Variants in HTT observed in about 807,000 individuals in gnomAD.
HTT encodes huntington disease protein.
HTT carries 104 observed loss-of-function variants against 362.3 expected under a neutral mutation model. The observed-to-expected ratio is 0.29, with a 90% confidence interval of 0.24 to 0.34. HTT has a LOEUF of 0.34. Among genes scored for constraint, HTT ranks in the 10% least tolerant of loss-of-function variants. The probability of loss-of-function intolerance (pLI) is 1.00; values close to 1 mark genes in which losing one functional copy is unlikely to be tolerated. For missense variants in HTT, 3,301 were observed against 3,928.6 expected (o/e 0.84, Z 4.27); for synonymous variants, 1,577 against 1,548.7 (o/e 1.02, Z -0.43).
rs370428701 is a variant in HTT, at chr4:3,105,383, T to C, written c.555T>C (p.Ala185=). ...ATGGTGCCCCTCGGAGTTTGCGTGC[T>C]GCCCTGTGGAGGTTTGCTGAGCTGG... ...KKNGAPRSLR[A]ALWRFAELAH... is the part of the protein sequence containing the mutation. The change falls in exon 5 of 67, where the codon GCT becomes GCC. Residue 185 remains alanine (A), a synonymous_variant. Transcript: ENST00000355072. 6.2e-7 allele frequency: 1 copy of C among 1,614,084 alleles called. No homozygotes were observed. Among genetic ancestry groups the C allele is most frequent in the Non-Finnish European group, 8.5e-7 (1 of 1,179,912 alleles).
At chr4:3,105,710 C>G (rs1406796792) in intron 5 of HTT, among the ~76,000 whole-genome samples, 1 of 152,244 alleles carries the variant, frequency 6.6e-6, no homozygotes, top group African/African-American at 2.4e-5. Context: ...GTCTTATGCT[C>G]TGTTGCAGCC....
Position 3,187,750 on chromosome 4 carries a change from C to T in HTT, c.5089C>T (p.Gln1697Ter), listed in dbSNP as rs1206503815. ...TGAAGATATTGTTCTTTCTCGTATTCAGGAGCTCTCCTTCTCTCCGTATTT... is the reference window on the plus strand; with the variant it reads ...TGAAGATATTGTTCTTTCTCGTATTTAGGAGCTCTCCTTCTCTCCGTATTT... ...STEDIVLSRI[Q>*]ELSFSPYLIS... Residue 1697 changes from glutamine to a stop codon, truncating the protein, a stop_gained, in exon 39 of 67, where the codon CAG becomes TAG. Transcript: ENST00000355072. LOFTEE classifies it high-confidence loss of function. 1 of 1,613,712 alleles carries T rather than the reference C, an allele frequency of 6.2e-7. No individual in the cohort carries two copies. Among genetic ancestry groups the T allele is most frequent in the African/African-American group, 1.3e-5 (1 of 74,916 alleles).
At chr4:3,185,167 C>T (rs951890170) in intron 37 of HTT, among the ~76,000 whole-genome samples, 3 of 152,058 alleles carry the variant, frequency 2.0e-5, no homozygotes, top group Non-Finnish European at 2.9e-5. Flanking sequence ...GGAGAGGAGT[C>T]GGCAATGGGT....
chr4:3,153,921 GA>G (rs887288027), intron 26 of HTT, among the ~76,000 whole-genome samples: 16 of 148,898 alleles, frequency 1.1e-4, no homozygotes, highest in Admixed American at 2.7e-4. Context: ...TCTCAAAAAA[GA>G]AAAAAAAAAT....
intron 27 of HTT, 38 bp from the exon 28 acceptor site, chr4:3,157,034 G>C: frequency 1.3e-6 from 2 of 1,543,610 alleles, no homozygotes; most frequent in Non-Finnish European, 1.7e-6. Context: ...AAGTTATTTT[G>C]ATCTAAAAGT....
intron 11 of HTT, 115 bp downstream of exon 11, chr4:3,125,744 A>G (rs1715493098): frequency 2.7e-6 from 2 of 742,194 alleles, no homozygotes; most frequent in Non-Finnish European, 4.8e-6. Flanking sequence ...GCAGCAGTGG[A>G]GCCAGGTTGC....
chr4:3,186,515 C>T, intron 37 of HTT, 82 bp from the exon 38 acceptor site: 1 of 1,479,338 alleles, frequency 6.8e-7, no homozygotes, highest in Non-Finnish European at 9.3e-7. Context: ...GATGATTTGC[C>T]CTTGAGTTAC....
intron 2 of HTT, among the ~76,000 whole-genome samples, chr4:3,092,411 A>C (rs1292224579): frequency 6.6e-6 from 1 of 152,080 alleles, no homozygotes; most frequent in Non-Finnish European, 1.5e-5. Flanking sequence ...TAGAGACAGG[A>C]TCTTACTCTG....
chr4:3,202,154 C>T (rs939348902), intron 41 of HTT, among the ~76,000 whole-genome samples: 2 of 152,150 alleles, frequency 1.3e-5, no homozygotes, highest in Admixed American at 6.5e-5. Flanking sequence ...TATACTTTGG[C>T]GCTTGTGGGT....
chr4:3,172,095 AACAGAT>A (rs1344300118), intron 29 of HTT, among the ~76,000 whole-genome samples: 1 of 152,222 alleles, frequency 6.6e-6, no homozygotes, highest in Non-Finnish European at 1.5e-5. Flanking sequence ...TGAGTGAATG[AACAGAT>A]ACATAAATGC....
At chr4:3,089,130 T>C (rs756022263) in intron 2 of HTT, among the ~76,000 whole-genome samples, 1 of 152,234 alleles carries the variant, frequency 6.6e-6, no homozygotes, top group Non-Finnish European at 1.5e-5. Flanking sequence ...GTTACACAGT[T>C]CTTGTGGGAT....
chr4:3,083,530 TACACACACACACACACACACACACACAC>T (rs56210756), intron 1 of HTT, among the ~76,000 whole-genome samples: 3 of 125,126 alleles, frequency 2.4e-5, no homozygotes, highest in South Asian at 3.0e-4. Context: ...TCTCTAAATA[TACACACACACACACACACACACACACAC>T]ACACACACAC....
intron 53 of HTT, among the ~76,000 whole-genome samples, chr4:3,222,029 G>A (rs1328690485): frequency 6.6e-6 from 1 of 152,244 alleles, no homozygotes; most frequent in South Asian, 2.1e-4. Flanking sequence ...AGCCCATTTA[G>A]TGAGTGGGGC....
chr4:3,172,892 AT>A lies in HTT; in HGVS notation c.3943-9del. The A allele has an allele frequency of 2.5e-6, 4 of 1,594,760 alleles. No individual in the cohort carries two copies. The highest frequency in any genetic ancestry group is 3.4e-6 in the Non-Finnish European group (4 of 1,162,318). ...GTTCACGCCACATTGTTGATGCCTC[AT>A]TTTTTTCACTGTAGTTGTTGAAGAC... On this transcript the variant is annotated splice_polypyrimidine_tract_variant and intron_variant, in intron 30 of 66. Coordinates refer to ENST00000355072, the MANE Select transcript of HTT (RefSeq NM_001388492.1).
chr4:3,100,539 G>A lies in HTT; in HGVS notation c.468+1145G>A, dbSNP rs545249906. Among the ~76,000 whole-genome samples, 6 of 152,240 alleles carry A rather than the reference G, an allele frequency of 3.9e-5. No homozygotes were observed. The South Asian group carries it at 8.3e-4, about 21-fold the overall frequency. ...AGAGTGGTCACTGTCTTCTCTCTCC[G>A]CTTGCAATTCCTGCTTTGCTCGCAT... is the stretch of plus-strand genomic sequence containing the variant. On this transcript the variant is annotated intron_variant, in intron 3 of 66. Coordinates refer to ENST00000355072, the MANE Select transcript of HTT (RefSeq NM_001388492.1).
At chr4:3,203,757 G>A (rs952249908) in intron 41 of HTT, among the ~76,000 whole-genome samples, 4 of 152,172 alleles carry the variant, frequency 2.6e-5, no homozygotes, top group Non-Finnish European at 5.9e-5. Flanking sequence ...GGTGGATTTT[G>A]CTATTCAGGC....
Position 3,187,664 on chromosome 4 carries a change from C to A in HTT, c.5003C>A (p.Thr1668Asn), listed in dbSNP as rs201729743. The A allele has an allele frequency of 1.1e-4, 184 of 1,613,466 alleles. No homozygotes were observed. The African/African-American group carries it at 2.1e-3, about 19-fold the overall frequency. Residue 1668 changes from threonine (T) to asparagine (N), a missense_variant, in exon 39 of 67, where the codon ACT (threonine) becomes AAT (asparagine). Transcript: ENST00000355072. ...TGTTTATTTTAGGCGTCCGTGAGCA[C>A]TGTTCAACTGTGGATATCGGGAATT... ...VTPNTMASVS[T>N]VQLWISGILA...
chr4:3,107,042 T>C (rs115321979), intron 5 of HTT, among the ~76,000 whole-genome samples: 2 of 152,374 alleles, frequency 1.3e-5, no homozygotes, highest in African/African-American at 4.8e-5. Context: ...TATTATGATT[T>C]ACTGCAAATA....
chr4:3,145,945 T>C (rs1364553817), intron 24 of HTT, among the ~76,000 whole-genome samples: 1 of 152,206 alleles, frequency 6.6e-6, no homozygotes, highest in Non-Finnish European at 1.5e-5. Context: ...AGACTTCACT[T>C]CTGGGCAACT....
Sources: gnomAD v4.1 joint callset for allele counts (sites outside exome capture counted in the v4.1 genomes callset) on GRCh38, gnomAD v4.1.1 for gene constraint, MANE v1.5 for transcripts, NCBI Gene and HGNC (gene_info 2026-07-23, HGNC 2026-07-21) for gene names.